Variants in CYB5R4 observed in about 807,000 individuals in gnomAD.
CYB5R4 encodes the protein N-terminal cytochrome b5 and cytochrome b5 oxidoreductase domain-containing protein.
A neutral mutation model predicts 70.2 loss-of-function variants in CYB5R4; 55 were observed. The ratio of observed to expected loss-of-function variants is 0.78; its 90% CI spans 0.63 to 0.98. The LOEUF (loss-of-function observed/expected upper bound fraction) is 0.98, where lower values mean the gene tolerates loss of function less well. Among genes scored for constraint, CYB5R4 ranks in the 50% least tolerant of loss-of-function variants. The pLI is 0.00. For synonymous variants in CYB5R4, 197 were observed against 199.5 expected, an observed-to-expected ratio of 0.99 and a Z score of 0.11; for missense variants, 562 against 612.6, an observed-to-expected ratio of 0.92 and a Z score of 0.87.
intron 5 of CYB5R4, among the ~76,000 whole-genome samples, chr6:83,914,942 G>C (rs1479774787): frequency 6.6e-6 from 1 of 150,836 alleles, no homozygotes; most frequent in East Asian, 1.9e-4. Flanking sequence ...TACTCTTATC[G>C]TCGTGCCTTC....
intron 14 of CYB5R4, among the ~76,000 whole-genome samples, chr6:83,952,461 G>T (rs967639156): frequency 6.6e-6 from 1 of 152,128 alleles, no homozygotes; most frequent in Non-Finnish European, 1.5e-5. Context: ...TTTGAGCTGG[G>T]CTTTGGGAAA....
chr6:83,917,938 GTTAAC>G, intron 5 of CYB5R4, 62 bp from the exon 6 acceptor site: 4 of 1,211,670 alleles, frequency 3.3e-6, no homozygotes, highest in South Asian at 1.3e-5. Flanking sequence ...TCACTAAGAA[GTTAAC>G]TTAAAAGACA....
chr6:83,947,848 G>A (rs546121727), intron 14 of CYB5R4, among the ~76,000 whole-genome samples: 3 of 152,124 alleles, frequency 2.0e-5, no homozygotes, highest in South Asian at 2.1e-4. Flanking sequence ...TTAGGATGGC[G>A]ATCATTTAAA....
intron 3 of CYB5R4, among the ~76,000 whole-genome samples, chr6:83,908,168 A>G (rs979013955): frequency 1.3e-5 from 2 of 152,152 alleles, no homozygotes; most frequent in African/African-American, 2.4e-5. Context: ...TATTAATGCC[A>G]TTCTAACTGC....
chr6:83,907,323 A>T (rs779813198), intron 3 of CYB5R4, among the ~76,000 whole-genome samples: 20 of 152,222 alleles, frequency 1.3e-4, no homozygotes, highest in Non-Finnish European at 2.8e-4. Flanking sequence ...AATTTCCACC[A>T]GTGGCATCTG....
chr6:83,898,425 T>C (rs2099462291), intron 3 of CYB5R4, among the ~76,000 whole-genome samples: 1 of 152,166 alleles, frequency 6.6e-6, no homozygotes. Flanking sequence ...TCTTTTGGCT[T>C]AGGATTGACT....
Position 83,918,015 on chromosome 6 carries a change from C to T in CYB5R4, c.456C>T (p.Pro152=), listed in dbSNP as rs775227179. Residue 152 remains proline, a synonymous_variant, in exon 6 of 16, where the codon CCC becomes CCT. Transcript: ENST00000369681. ...TCTTTCTTTGTAAAGGCATGCTTCC[C>T]AAGAGCCAAGTGACAGATACACTTG... The part of the protein sequence containing the change: ...EEKKVLNGML[P]KSQVTDTLAK... The T allele has an allele frequency of 3.1e-6, 5 of 1,610,090 alleles. No individual in the cohort carries two copies. The African/African-American group carries it at 6.7e-5, about 22-fold the overall frequency.
At chr6:83,946,008 G>T (rs1025460350) in intron 14 of CYB5R4, among the ~76,000 whole-genome samples, 1 of 152,176 alleles carries the variant, frequency 6.6e-6, no homozygotes, top group Admixed American at 6.5e-5. Flanking sequence ...AGAGGAGCTG[G>T]TACCATTCCT....
intron 14 of CYB5R4, among the ~76,000 whole-genome samples, chr6:83,954,563 G>T (rs767374102): frequency 5.9e-5 from 9 of 151,850 alleles, no homozygotes; most frequent in Non-Finnish European, 1.0e-4. Context: ...TCCTTTTGGA[G>T]CCCCCAGTGT....
At chr6:83,860,752 T>C (rs568141074) in intron 1 of CYB5R4, among the ~76,000 whole-genome samples, 1 of 152,366 alleles carries the variant, frequency 6.6e-6, no homozygotes, top group South Asian at 2.1e-4. Flanking sequence ...GTTCTGATTC[T>C]AGTTCAGAAT....
At chr6:83,933,166 G>A (rs1197881684) in intron 10 of CYB5R4, among the ~76,000 whole-genome samples, 1 of 152,150 alleles carries the variant, frequency 6.6e-6, no homozygotes, top group East Asian at 1.9e-4. Flanking sequence ...GGTTAGTCCA[G>A]TGCTTGTTAG....
intron 2 of CYB5R4, among the ~76,000 whole-genome samples, chr6:83,874,858 C>CT (rs2099458262): frequency 6.6e-6 from 1 of 151,406 alleles, no homozygotes; most frequent in African/African-American, 2.4e-5. Context: ...GAGTCTCACT[C>CT]TGTCGCCAGG....
chr6:83,921,403 A>C (rs1000352673), intron 8 of CYB5R4, among the ~76,000 whole-genome samples: 2 of 152,226 alleles, frequency 1.3e-5, no homozygotes, highest in Non-Finnish European at 2.9e-5. Flanking sequence ...AATCAAAATC[A>C]ATAATATAAA....
intron 14 of CYB5R4, among the ~76,000 whole-genome samples, chr6:83,955,033 A>G (rs1050341045): frequency 6.6e-6 from 1 of 151,888 alleles, no homozygotes; most frequent in Non-Finnish European, 1.5e-5. Context: ...GGTGTGAGCT[A>G]CCATGCTTGG....
chr6:83,879,370 T>A (rs1311745349), intron 2 of CYB5R4, among the ~76,000 whole-genome samples: 1 of 152,134 alleles, frequency 6.6e-6, no homozygotes, highest in African/African-American at 2.4e-5. Context: ...TTCTGTTCTT[T>A]CCCAGTATTT....
chr6:83,871,397 T>C (rs1276295916), intron 2 of CYB5R4, among the ~76,000 whole-genome samples: 1 of 152,246 alleles, frequency 6.6e-6, no homozygotes, highest in Non-Finnish European at 1.5e-5. Flanking sequence ...CATCTAAGAT[T>C]ATTTGCTTTC....
chr6:83,879,625 G>T (rs1436953840), intron 2 of CYB5R4, among the ~76,000 whole-genome samples: 1 of 152,032 alleles, frequency 6.6e-6, no homozygotes, highest in Non-Finnish European at 1.5e-5. Context: ...ACTATGGATG[G>T]ACTTTTCTTT....
chr6:83,928,826 G>A (rs2099467714), intron 10 of CYB5R4, among the ~76,000 whole-genome samples: 1 of 152,130 alleles, frequency 6.6e-6, no homozygotes, highest in Non-Finnish European at 1.5e-5. Flanking sequence ...CTAGGTAAAA[G>A]CCAAGTCCAA....
chr6:83,947,556 CTAAT>C (rs1015865171), intron 14 of CYB5R4, among the ~76,000 whole-genome samples: 3 of 152,058 alleles, frequency 2.0e-5, no homozygotes, highest in African/African-American at 7.2e-5. Context: ...CAAATGGGCT[CTAAT>C]TAAGAGCTTC....
Sources: gnomAD v4.1 joint callset for allele counts (sites outside exome capture counted in the v4.1 genomes callset) on GRCh38, gnomAD v4.1.1 for gene constraint, MANE v1.5 for transcripts, NCBI Gene and HGNC (gene_info 2026-07-23, HGNC 2026-07-21) for gene names.